Variants in SHANK2 observed in about 807,000 individuals in gnomAD.
SHANK2 encodes SH3 and multiple ankyrin repeat domains 2.
A neutral mutation model predicts 133.7 loss-of-function variants in SHANK2; 43 were observed. The ratio of observed to expected loss-of-function variants is 0.32; its 90% confidence interval spans 0.25 to 0.41. The LOEUF is 0.41. Ranked by LOEUF, SHANK2 falls within the 10% of genes least tolerant of loss-of-function variation. The pLI, the probability that SHANK2 is intolerant of heterozygous loss-of-function variation, is 1.00. For synonymous variants in SHANK2, 1,017 were observed against 952.8 expected (o/e 1.07, Z -1.24); for missense variants, 1,994 against 2,235.8 (o/e 0.89, Z 2.18).
chr11:70,489,399 G>A (rs781965044), intron 23 of SHANK2, 51 bp from the exon 24 acceptor site: 20 of 1,595,990 alleles, frequency 1.3e-5, no homozygotes, highest in African/African-American at 4.0e-5. Flanking sequence ...AGACAAATAC[G>A]CAGCTTTCCC....
chr11:71,187,651 T>G (rs571878375), intron 2 of SHANK2, among the ~76,000 whole-genome samples: 1 of 152,328 alleles, frequency 6.6e-6, no homozygotes, highest in East Asian at 1.9e-4. Flanking sequence ...ATGTCAGGAA[T>G]GTACAGACCC....
chr11:71,232,361 A>G (rs190640378), intron 1 of SHANK2, among the ~76,000 whole-genome samples: 22 of 152,286 alleles, frequency 1.4e-4, no homozygotes, highest in Admixed American at 1.2e-3. Context: ...GGACGAGACT[A>G]TGGGGGTAAA....
chr11:70,742,684 G>A (rs1289848074), intron 14 of SHANK2, among the ~76,000 whole-genome samples: 2 of 152,186 alleles, frequency 1.3e-5, no homozygotes, highest in African/African-American at 4.8e-5. Flanking sequence ...ATCTGTTTAG[G>A]CTCAAAAGGA....
rs940185736 is a variant in SHANK2 at position 70,804,025 on chromosome 11, C to G, written c.1663+2977G>C. On this transcript the variant is annotated intron_variant, in intron 13 of 25. Coordinates refer to ENST00000601538, the MANE Select transcript of SHANK2 (RefSeq NM_012309.5). The surrounding 1 kb of genome is among the most constrained non-coding windows in gnomAD (Gnocchi z 4.1). ...AAAGAGCCAGGAGCAGCAGTGTTATCAGCAGGACCCCAGGGCCACCCTGGG... is the reference window on the plus strand; with the variant it reads ...AAAGAGCCAGGAGCAGCAGTGTTATGAGCAGGACCCCAGGGCCACCCTGGG... Among the ~76,000 whole-genome samples the G allele has an allele frequency of 3.3e-5, 5 of 152,234 alleles. No homozygotes were observed. The highest frequency in any genetic ancestry group is 1.2e-4 in the African/African-American group (5 of 41,558).
chr11:70,796,520 G>A (rs1351095060), intron 14 of SHANK2, among the ~76,000 whole-genome samples: 2 of 152,350 alleles, frequency 1.3e-5, no homozygotes, highest in African/African-American at 4.8e-5. Context: ...GAGGACTGGA[G>A]GACAGGGAGA....
intron 11 of SHANK2, among the ~76,000 whole-genome samples, chr11:70,858,782 T>C (rs782243437): frequency 6.6e-6 from 1 of 152,248 alleles, no homozygotes; most frequent in Non-Finnish European, 1.5e-5. Context: ...TCCTGGACTA[T>C]GCACCTCCCA....
chr11:70,533,822 C>T (rs947336320), intron 17 of SHANK2, among the ~76,000 whole-genome samples: 4 of 152,150 alleles, frequency 2.6e-5, no homozygotes, highest in East Asian at 3.9e-4. Context: ...AAGCACCAAT[C>T]GGCCTGTCCT....
At chr11:70,527,085 C>G (rs1347292887) in intron 17 of SHANK2, among the ~76,000 whole-genome samples, 1 of 152,228 alleles carries the variant, frequency 6.6e-6, no homozygotes, top group Non-Finnish European at 1.5e-5. Context: ...TCCAGGCCTC[C>G]TCCACATCGT....
Position 70,690,488 on chromosome 11 carries a change from GTTTTTTTTTTTTTTTT to G in SHANK2, c.1853+8184_1853+8199del, listed in dbSNP as rs35737323. On this transcript the variant is annotated intron_variant, in intron 15 of 25. Coordinates refer to ENST00000601538, the MANE Select transcript of SHANK2 (RefSeq NM_012309.5). ...ATCATCATAATGTAATACTTCCCAT[GTTTTTTTTTTTTTTTT>G]TTTTTTTTTTTTTTTTTGGTGTCTA... is the stretch of plus-strand genomic sequence containing the variant. 1.5e-4 allele frequency among the ~76,000 whole-genome samples: 5 copies of G among 32,816 alleles called. 1 individual carries two copies. Among genetic ancestry groups the G allele is most frequent in the South Asian group, 2.4e-3 (1 of 412 alleles). The allele number at this position is 32,816 out of a possible 152,430, so 21.5% of individuals were successfully genotyped here.
intron 10 of SHANK2, among the ~76,000 whole-genome samples, chr11:70,942,208 A>T (rs1036854301): frequency 2.6e-5 from 4 of 152,116 alleles, no homozygotes; most frequent in African/African-American, 9.7e-5. Context: ...AAAAGGAAAG[A>T]AAAGAGGTTT....
At chr11:71,102,998 C>T (rs1309725232) in intron 6 of SHANK2, among the ~76,000 whole-genome samples, 1 of 152,252 alleles carries the variant, frequency 6.6e-6, no homozygotes, top group Non-Finnish European at 1.5e-5. Flanking sequence ...GCTGTGACCT[C>T]ACCTCACAAA....
At chr11:70,714,265 A>T (rs781976118) in intron 14 of SHANK2, among the ~76,000 whole-genome samples, 2 of 152,250 alleles carry the variant, frequency 1.3e-5, no homozygotes, top group Non-Finnish European at 2.9e-5. Flanking sequence ...AGAAAGAGCC[A>T]CATGCCCAGA....
At chr11:70,661,778 T>C (rs782504636) in intron 15 of SHANK2, 100 bp from the exon 16 acceptor site, 12 of 1,613,680 alleles carry the variant, frequency 7.4e-6, no homozygotes, top group Non-Finnish European at 1.0e-5. Flanking sequence ...AGCCAATTAA[T>C]CACCCCAGCT....
At chr11:70,646,829 T>TTTATTTTATTTA (rs1491262147) in intron 17 of SHANK2, among the ~76,000 whole-genome samples, 62 of 81,966 alleles carry the variant, frequency 7.6e-4, no homozygotes, top group African/African-American at 1.3e-3. Flanking sequence ...CTTTTATTTA[T>TTTATTTTATTTA]TTTATTTATT....
intron 9 of SHANK2, among the ~76,000 whole-genome samples, chr11:71,066,048 C>T (rs1414088177): frequency 7.9e-5 from 8 of 101,016 alleles, no homozygotes; most frequent in East Asian, 2.8e-4. Context: ...GGGGAGGGTA[C>T]AGAACTCTCC....
intron 11 of SHANK2, among the ~76,000 whole-genome samples, chr11:70,867,054 A>G (rs994232526): frequency 4.0e-5 from 6 of 151,558 alleles, no homozygotes; most frequent in Non-Finnish European, 7.4e-5. Flanking sequence ...ACCACCATGG[A>G]CAGCACAGAA....
chr11:70,647,635 C>A (rs782448030), intron 17 of SHANK2: 1 of 152,228 alleles, frequency 6.6e-6, no homozygotes, highest in Non-Finnish European at 1.5e-5. Context: ...TCAAGCAGCG[C>A]AAGCATTTTA....
intron 25 of SHANK2, among the ~76,000 whole-genome samples, chr11:70,481,116 G>A (rs1027906672): frequency 1.3e-5 from 2 of 152,220 alleles, no homozygotes; most frequent in Non-Finnish European, 2.9e-5. Context: ...AGGCCAGGTG[G>A]TCCTGGAACA....
chr11:71,093,060 G>T (rs1004526128), intron 7 of SHANK2, among the ~76,000 whole-genome samples: 2 of 141,446 alleles, frequency 1.4e-5, no homozygotes, highest in East Asian at 2.3e-4. Context: ...AAGGGGGGGG[G>T]GGGCAGGTAT....
Sources: gnomAD v4.1 joint callset for allele counts (sites outside exome capture counted in the v4.1 genomes callset) on GRCh38, gnomAD v4.1.1 for gene constraint, Gnocchi (gnomAD v3.1) non-coding constraint, MANE v1.5 for transcripts, NCBI Gene and HGNC (gene_info 2026-07-23, HGNC 2026-07-21) for gene names.